DNAI1: variants seen among roughly 807,000 people sequenced by gnomAD.
DNAI1 encodes dynein axonemal intermediate chain 1.
Under a neutral mutation model 92.0 loss-of-function variants are expected in DNAI1, and 67 were observed. The observed-to-expected ratio is 0.73, with a 90% CI of 0.60 to 0.89. The LOEUF is 0.89. Among genes scored for constraint, DNAI1 ranks in the 40% least tolerant of loss-of-function variants. The pLI is 0.00. For synonymous variants in DNAI1, 323 were observed against 319.6 expected (o/e 1.01, Z -0.11); for missense variants, 839 against 866.6 (o/e 0.97, Z 0.40).
chr9:34,460,708 G>A (rs1337559743), intron 1 of DNAI1, among the ~76,000 whole-genome samples: 2 of 151,866 alleles, frequency 1.3e-5, no homozygotes, highest in Non-Finnish European at 2.9e-5. Context: ...TGTCACCCAG[G>A]GTGGAGTGCA....
chr9:34,500,882 C>G (rs1824818627), intron 11 of DNAI1, 43 bp downstream of exon 11: 1 of 1,474,564 alleles, frequency 6.8e-7, no homozygotes, highest in South Asian at 1.1e-5. Flanking sequence ...CCTGAGTGCC[C>G]TCTACATCCC....
At position 34,501,124 on chromosome 9, in the gene DNAI1, A is replaced by T. The variant is rs777973486; in HGVS notation, c.1020-14A>T. On this transcript the variant is annotated splice_polypyrimidine_tract_variant and intron_variant, in intron 11 of 19. Coordinates refer to ENST00000242317, the MANE Select transcript of DNAI1 (RefSeq NM_012144.4). ...TCATTTCCTATGCCAATGGATTCAT[A>T]TTTTTTTTTGCAGGAATCCAAAGTA... is the stretch of plus-strand genomic sequence containing the variant. 1.1e-5 allele frequency: 18 copies of T among 1,567,918 alleles called. No homozygotes were observed. The highest frequency in any genetic ancestry group is 7.8e-5 in the South Asian group (7 of 89,954).
intron 10 of DNAI1, among the ~76,000 whole-genome samples, chr9:34,498,404 C>T (rs1213622730): frequency 1.3e-5 from 2 of 152,186 alleles, no homozygotes; most frequent in South Asian, 2.1e-4. Context: ...AATCAGAACT[C>T]GAACACAGGC....
At chr9:34,489,122 G>T (rs895138231) in intron 4 of DNAI1, 13 of 597,630 alleles carry the variant, frequency 2.2e-5, no homozygotes, top group Admixed American at 1.5e-4. Context: ...CTTTAAAAAA[G>T]ATTTTATTTC....
chr9:34,465,496 A>C (rs1473712659), intron 1 of DNAI1, among the ~76,000 whole-genome samples: 3 of 152,246 alleles, frequency 2.0e-5, no homozygotes, highest in Non-Finnish European at 4.4e-5. Context: ...AATTTTTGCC[A>C]ATGGCAGTTC....
rs778140393 is a variant in DNAI1, at chr9:34,500,713, GTGTT to G, written c.902-7_902-4del. On this transcript the variant is annotated splice_polypyrimidine_tract_variant and splice_region_variant and intron_variant, in intron 10 of 19. Coordinates refer to ENST00000242317, the MANE Select transcript of DNAI1 (RefSeq NM_012144.4). Reference sequence around the variant, plus strand: ...GTCCCAGGGCTGACTCTGCCTGTGTGTGTTTAAGATTTTAAGTACTATGACGATG... The same window carrying G: ...GTCCCAGGGCTGACTCTGCCTGTGTGTAAGATTTTAAGTACTATGACGATG... 5.0e-6 allele frequency: 8 copies of G among 1,606,142 alleles called. No individual in the cohort carries two copies. The highest frequency in any genetic ancestry group is 6.0e-6 in the Non-Finnish European group (7 of 1,173,226).
chr9:34,508,594 C>T (rs2132078362), intron 13 of DNAI1, among the ~76,000 whole-genome samples: 1 of 152,288 alleles, frequency 6.6e-6, no homozygotes, highest in Non-Finnish European at 1.5e-5. Context: ...CCTGCTTTCC[C>T]AGCTCAGATA....
intron 10 of DNAI1, among the ~76,000 whole-genome samples, chr9:34,498,552 G>C (rs1333487064): frequency 6.6e-6 from 1 of 152,272 alleles, no homozygotes; most frequent in South Asian, 2.1e-4. Flanking sequence ...GATTGATTCA[G>C]AAATGCTTAA....
chr9:34,468,389 C>G (rs1261009485), intron 1 of DNAI1, among the ~76,000 whole-genome samples: 2 of 150,736 alleles, frequency 1.3e-5, no homozygotes, highest in Admixed American at 6.6e-5. Context: ...CGGGGTTTCA[C>G]CATGTTAGCC....
intron 1 of DNAI1, among the ~76,000 whole-genome samples, chr9:34,465,837 C>T (rs1363965792): frequency 6.6e-6 from 1 of 152,240 alleles, no homozygotes; most frequent in Non-Finnish European, 1.5e-5. Flanking sequence ...TCAATCTTTG[C>T]AGTCACTGAG....
At chr9:34,514,903 A>G (rs1825145473) in intron 18 of DNAI1, among the ~76,000 whole-genome samples, 164 bp downstream of exon 18, 2 of 152,244 alleles carry the variant, frequency 1.3e-5, no homozygotes, top group Non-Finnish European at 2.9e-5. Flanking sequence ...GGTCCAGCCA[A>G]AAGAGGAATC....
At chr9:34,479,354 C>T (rs1824296406) in intron 1 of DNAI1, among the ~76,000 whole-genome samples, 1 of 152,152 alleles carries the variant, frequency 6.6e-6, no homozygotes, top group Admixed American at 6.5e-5. Flanking sequence ...TCTCATTCTG[C>T]AAGACCAAGG....
intron 12 of DNAI1, among the ~76,000 whole-genome samples, chr9:34,501,905 C>T (rs1824838801): frequency 6.6e-6 from 1 of 152,226 alleles, no homozygotes; most frequent in South Asian, 2.1e-4. Flanking sequence ...ATTTGCTTTC[C>T]CTTCATGTTA....
At chr9:34,485,948 A>G (rs986007481) in intron 4 of DNAI1, among the ~76,000 whole-genome samples, 2 of 152,240 alleles carry the variant, frequency 1.3e-5, no homozygotes, top group South Asian at 4.2e-4. Context: ...CCACTGGAGA[A>G]GTTCTAGCAG....
chr9:34,498,367 A>G (rs1824765779), intron 10 of DNAI1, among the ~76,000 whole-genome samples: 1 of 152,244 alleles, frequency 6.6e-6, no homozygotes, highest in Non-Finnish European at 1.5e-5. Context: ...TTTCAAAGTC[A>G]CAGCTAGTGT....
intron 1 of DNAI1, among the ~76,000 whole-genome samples, chr9:34,466,427 T>G (rs1824039490): frequency 6.6e-6 from 1 of 152,268 alleles, no homozygotes; most frequent in African/African-American, 2.4e-5. Context: ...TGCTGCTCCT[T>G]GGAGAGTCAT....
At chr9:34,506,297 G>A (rs1824928099) in intron 12 of DNAI1, among the ~76,000 whole-genome samples, 1 of 152,144 alleles carries the variant, frequency 6.6e-6, no homozygotes, top group Non-Finnish European at 1.5e-5. Flanking sequence ...CCCTCTGAGG[G>A]TTCTGCTCCT....
chr9:34,470,364 G>A (rs1336532462), intron 1 of DNAI1, among the ~76,000 whole-genome samples: 3 of 152,060 alleles, frequency 2.0e-5, no homozygotes, highest in Non-Finnish European at 4.4e-5. Flanking sequence ...CCTGTTACAA[G>A]AAATATATTT....
chr9:34,483,845 A>G (rs1824421634), intron 2 of DNAI1, among the ~76,000 whole-genome samples: 1 of 152,222 alleles, frequency 6.6e-6, no homozygotes, highest in South Asian at 2.1e-4. Context: ...TGAAATTACT[A>G]CATAATATTT....
Sources: allele counts gnomAD v4.1 joint callset (sites outside exome capture counted in the v4.1 genomes callset), GRCh38; gene constraint gnomAD v4.1.1; transcripts MANE v1.5; gene names NCBI Gene and HGNC (gene_info 2026-07-23, HGNC 2026-07-21).